The following RAB3IP variants were observed in gnomAD, a reference collection of about 807,000 sequenced individuals.
RAB3IP encodes the protein RAB3A interacting protein.
A neutral mutation model predicts 59.1 loss-of-function variants in RAB3IP; 36 were observed. That is an observed-to-expected ratio of 0.61 (90% CI 0.47 to 0.80). The LOEUF (loss-of-function observed/expected upper bound fraction) is 0.80, where lower values mean the gene tolerates loss of function less well. Ranked by LOEUF, RAB3IP falls within the 30% of genes least tolerant of loss-of-function variation. RAB3IP has a pLI of 0.00. For missense variants in RAB3IP, 511 were observed against 536.0 expected (o/e 0.95, Z 0.46); for synonymous variants, 207 against 191.2 (o/e 1.08, Z -0.68).
chr12:69,750,167 C>G (rs147108306), intron 1 of RAB3IP, among the ~76,000 whole-genome samples: 1 of 152,064 alleles, frequency 6.6e-6, no homozygotes, highest in Admixed American at 6.5e-5. Flanking sequence ...ACCATAGATG[C>G]GCTATGCTTA....
intron 8 of RAB3IP, among the ~76,000 whole-genome samples, chr12:69,810,947 G>A (rs1046801848): frequency 5.9e-5 from 9 of 152,146 alleles, no homozygotes; most frequent in African/African-American, 1.7e-4. Context: ...TGTTTGCATT[G>A]AATCCTGGCT....
chr12:69,802,339 C>T (rs1878530277), intron 8 of RAB3IP, among the ~76,000 whole-genome samples: 1 of 151,970 alleles, frequency 6.6e-6, no homozygotes, highest in Non-Finnish European at 1.5e-5. Context: ...AGGATTCTCA[C>T]TTAAATAAAT....
chr12:69,761,527 C>T (rs1871306072), intron 3 of RAB3IP, among the ~76,000 whole-genome samples: 1 of 152,204 alleles, frequency 6.6e-6, no homozygotes, highest in African/African-American at 2.4e-5. Context: ...TCTACTTACT[C>T]ATTTATATTA....
At chr12:69,781,912 T>G (rs973871867) in intron 3 of RAB3IP, among the ~76,000 whole-genome samples, 1 of 152,246 alleles carries the variant, frequency 6.6e-6, no homozygotes, top group Non-Finnish European at 1.5e-5. Context: ...CTGGATCCCA[T>G]GATAAGAGTA....
chr12:69,809,368 A>G (rs1376898260), intron 8 of RAB3IP, among the ~76,000 whole-genome samples: 2 of 152,026 alleles, frequency 1.3e-5, no homozygotes, highest in Non-Finnish European at 1.5e-5. Flanking sequence ...GAATCTGACA[A>G]TTATGTGTCT....
chr12:69,751,563 A>G (rs544321974), intron 1 of RAB3IP, among the ~76,000 whole-genome samples: 9 of 152,148 alleles, frequency 5.9e-5, no homozygotes, highest in Non-Finnish European at 1.3e-4. Context: ...TTATATTTGT[A>G]GTTTTTCTAA....
At chr12:69,754,559 A>C (rs1869884528) in intron 1 of RAB3IP, among the ~76,000 whole-genome samples, 1 of 152,166 alleles carries the variant, frequency 6.6e-6, no homozygotes, top group African/African-American at 2.4e-5. Flanking sequence ...AATTCAAGAG[A>C]TCTATGGTAC....
chr12:69,770,785 A>G (rs1872981750), intron 3 of RAB3IP, among the ~76,000 whole-genome samples: 1 of 152,066 alleles, frequency 6.6e-6, no homozygotes, highest in African/African-American at 2.4e-5. Context: ...ACATATACAT[A>G]TATACACACA....
intron 3 of RAB3IP, among the ~76,000 whole-genome samples, chr12:69,761,296 TAATA>T (rs1161355171): frequency 6.6e-6 from 1 of 152,242 alleles, no homozygotes; most frequent in Non-Finnish European, 1.5e-5. Context: ...GGATGCAGTT[TAATA>T]AATGTTTTGT....
At chr12:69,793,300 A>C (rs1876924171) in intron 4 of RAB3IP, among the ~76,000 whole-genome samples, 1 of 152,190 alleles carries the variant, frequency 6.6e-6, no homozygotes, top group Non-Finnish European at 1.5e-5. Context: ...GGGCACACAC[A>C]AACTGCAGTG....
At chr12:69,765,903 C>T (rs1942165783) in intron 3 of RAB3IP, among the ~76,000 whole-genome samples, 1 of 152,192 alleles carries the variant, frequency 6.6e-6, no homozygotes, top group Non-Finnish European at 1.5e-5. Flanking sequence ...GCTTATGAAG[C>T]TTAGTTTGAC....
chr12:69,803,203 A>G (rs942431671), intron 8 of RAB3IP, among the ~76,000 whole-genome samples: 15 of 152,210 alleles, frequency 9.9e-5, no homozygotes, highest in Non-Finnish European at 1.9e-4. Context: ...TAAAATAATT[A>G]TAGTTTAGAT....
chr12:69,795,739 T>C (rs1359987812), intron 6 of RAB3IP: 1 of 254,618 alleles, frequency 3.9e-6, no homozygotes, highest in Non-Finnish European at 7.4e-6. Context: ...ATTGCTTTTA[T>C]TTAAATTCAG....
intron 1 of RAB3IP, among the ~76,000 whole-genome samples, chr12:69,753,916 T>C (rs1252772878): frequency 6.6e-6 from 1 of 152,210 alleles, no homozygotes; most frequent in Non-Finnish European, 1.5e-5. Flanking sequence ...AATTGAATAG[T>C]TACATGAACT....
chr12:69,748,112 A>G (rs939440253), intron 1 of RAB3IP, among the ~76,000 whole-genome samples: 10 of 147,670 alleles, frequency 6.8e-5, no homozygotes, highest in African/African-American at 2.2e-4. Context: ...TATGTTTCCC[A>G]TTTGTCAAGG....
intron 1 of RAB3IP, chr12:69,739,888 C>T (rs776964522): frequency 2.5e-6 from 4 of 1,613,270 alleles, no homozygotes; most frequent in African/African-American, 1.3e-5. Context: ...TTGAAAGACA[C>T]GAGCGCTGAG....
At chr12:69,755,932 T>C (rs978063203) in intron 2 of RAB3IP, among the ~76,000 whole-genome samples, 1 of 152,246 alleles carries the variant, frequency 6.6e-6, no homozygotes, top group Non-Finnish European at 1.5e-5. Context: ...ATAGACAGTA[T>C]GTAAATGAAT....
intron 4 of RAB3IP, among the ~76,000 whole-genome samples, chr12:69,787,813 A>T (rs1219663059): frequency 2.0e-5 from 3 of 152,132 alleles, no homozygotes; most frequent in Admixed American, 2.0e-4. Context: ...ACTAATATTT[A>T]TTGAGAGTTC....
chr12:69,754,278 T>C (rs1869811918), intron 1 of RAB3IP, among the ~76,000 whole-genome samples: 1 of 152,020 alleles, frequency 6.6e-6, no homozygotes, highest in Non-Finnish European at 1.5e-5. Flanking sequence ...ATTTTGATGA[T>C]GATTTTGTGG....
Sources: gnomAD v4.1 joint callset for allele counts (sites outside exome capture counted in the v4.1 genomes callset) on GRCh38, gnomAD v4.1.1 for gene constraint, MANE v1.5 for transcripts, NCBI Gene and HGNC (gene_info 2026-07-23, HGNC 2026-07-21) for gene names.